Variants in MYH3 observed in about 807,000 individuals in gnomAD.
The protein encoded by MYH3 is myosin heavy chain 3.
Under a neutral mutation model 238.0 loss-of-function variants are expected in MYH3, and 130 were observed. The observed-to-expected ratio is 0.55, with a 90% confidence interval of 0.47 to 0.63. The LOEUF (loss-of-function observed/expected upper bound fraction) is 0.63, where lower values mean the gene tolerates loss of function less well. MYH3 is among the 30% of genes least tolerant of loss of function. MYH3 has a pLI of 0.00. For synonymous variants in MYH3, 880 were observed against 924.1 expected, an observed-to-expected ratio of 0.95 and a Z score of 0.86; for missense variants, 1,853 against 2,374.9, an observed-to-expected ratio of 0.78 and a Z score of 4.57.
the MYH3 span, among the ~76,000 whole-genome samples, chr17:10,664,605 G>A: frequency 6.6e-6 from 1 of 152,122 alleles, no homozygotes; most frequent in African/African-American, 2.4e-5. Context: ...ATGAGTTGAC[G>A]GGGAAACCTA....
At chr17:10,651,182 C>T (rs1282535999) in intron 5 of MYH3, among the ~76,000 whole-genome samples, 1 of 58,538 alleles carries the variant, frequency 1.7e-5, no homozygotes, top group African/African-American at 5.3e-5. Flanking sequence ...AAGACTCCAT[C>T]TCAAAAAAAA....
the MYH3 span, among the ~76,000 whole-genome samples, chr17:10,663,929 G>T: frequency 1.3e-5 from 2 of 151,872 alleles, no homozygotes; most frequent in Non-Finnish European, 2.9e-5. Flanking sequence ...TGGATGTGGT[G>T]GCGTGCACCT....
intron 40 of MYH3, 43 bp from the exon 41 acceptor site, chr17:10,628,722 G>C (rs1054904458): frequency 5.6e-6 from 9 of 1,609,206 alleles, no homozygotes; most frequent in Non-Finnish European, 6.8e-6. Context: ...GGGTGGCAGA[G>C]ACACATTCCC....
rs1230927954 is a variant in MYH3 at position 10,630,122 on chromosome 17, A to G, written c.5532T>C (p.Tyr1844=). 4 of 1,614,012 alleles carry G rather than the reference A, an allele frequency of 2.5e-6. No homozygotes were observed. The African/African-American group carries it at 5.3e-5, about 22-fold the overall frequency. Residue 1844 remains tyrosine, a synonymous_variant, in exon 38 of 41, where the codon TAT becomes TAC. Transcript: ENST00000583535. ...NTESVKGLRK[Y]ERRVKELTYQ... Reference sequence around the variant, plus strand: ...ACGTCAGCTCCTTGACCCTCCGCTCATACTTCCTCAGGCCCTTAACAGACT... The same window carrying G: ...ACGTCAGCTCCTTGACCCTCCGCTCGTACTTCCTCAGGCCCTTAACAGACT...
intron 14 of MYH3, among the ~76,000 whole-genome samples, chr17:10,643,852 C>T (rs904209783): frequency 2.0e-5 from 3 of 152,074 alleles, no homozygotes; most frequent in Non-Finnish European, 4.4e-5. Flanking sequence ...TAGACATCTT[C>T]TCCTCTTTTA....
chr17:10,652,665 A>G (rs1305507426), intron 3 of MYH3, 102 bp from the exon 4 acceptor site: 1 of 1,300,186 alleles, frequency 7.7e-7, no homozygotes, highest in Non-Finnish European at 1.0e-6. Context: ...TTTGTCGCCC[A>G]GGCTGGAGTG....
Position 10,642,375 on chromosome 17 carries a change from C to G in MYH3, c.1888+42G>C. 6.2e-7 allele frequency: 1 copy of G among 1,614,032 alleles called. No homozygotes were observed. The highest frequency in any genetic ancestry group is 8.5e-7 in the Non-Finnish European group (1 of 1,179,906). On this transcript the variant is annotated intron_variant, in intron 16 of 40. Coordinates refer to ENST00000583535, the MANE Select transcript of MYH3 (RefSeq NM_002470.4). The surrounding 1 kb of genome is among the most constrained non-coding windows in gnomAD (Gnocchi z 5.4). ...TAAAAGGTTTTTTGTTACTGTGGAA[C>G]AAATGGAGGGAAATCACATGGACAC...
intron 6 of MYH3, 147 bp downstream of exon 6, chr17:10,650,227 C>T: frequency 1.4e-6 from 1 of 719,284 alleles, no homozygotes; most frequent in Non-Finnish European, 2.4e-6. Context: ...CCGCCCATCT[C>T]AGCCTACCAA....
chr17:10,632,870 G>C, intron 33 of MYH3, 86 bp from the exon 34 acceptor site: 5 of 1,335,304 alleles, frequency 3.7e-6, no homozygotes, highest in South Asian at 2.3e-5. Context: ...AACTTCAATG[G>C]AATAGTCCTA....
At chr17:10,647,533 GTTTTGTT>G in intron 8 of MYH3, 107 bp from the exon 9 acceptor site, 1 of 111,984 alleles carries the variant, frequency 8.9e-6, no homozygotes, top group Non-Finnish European at 2.5e-5. Context: ...TAAAATTTTT[GTTTTGTT>G]TTGTTTTGTT....
At chr17:10,647,637 C>T (rs949491447) in intron 8 of MYH3, among the ~76,000 whole-genome samples, 5 of 152,274 alleles carry the variant, frequency 3.3e-5, no homozygotes, top group African/African-American at 4.8e-5. Flanking sequence ...CTCTGCCTCC[C>T]GGGTTCAAGT....
At chr17:10,671,351 G>A in the MYH3 span, among the ~76,000 whole-genome samples, 1 of 152,132 alleles carries the variant, frequency 6.6e-6, no homozygotes, top group Non-Finnish European at 1.5e-5. Context: ...CTGGCTTGCT[G>A]TATATCAACA....
the MYH3 span, among the ~76,000 whole-genome samples, chr17:10,663,345 A>T: frequency 4.7e-4 from 72 of 152,284 alleles, no homozygotes; most frequent in African/African-American, 1.6e-3. Flanking sequence ...TGTTCGAATG[A>T]GGGAGAAAGA....
At position 10,634,618 on chromosome 17, in the gene MYH3, G is replaced by C. The variant is rs371187795; in HGVS notation, c.4356+222C>G. 1.7e-4 allele frequency among the ~76,000 whole-genome samples: 26 copies of C among 152,278 alleles called. 1 individual carries two copies. The East Asian group carries it at 2.9e-3, about 17-fold the overall frequency. On this transcript the variant is annotated intron_variant, in intron 31 of 40. Transcript: ENST00000583535. The stretch of plus-strand genomic sequence containing the variant: ...GACTGCACGGACATTGTAGAAATTG[G>C]TTTGTTTCCACGGACAACATTTGAA...
chr17:10,648,050 G>T (rs916914334), intron 8 of MYH3, among the ~76,000 whole-genome samples: 5 of 152,150 alleles, frequency 3.3e-5, no homozygotes, highest in Non-Finnish European at 5.9e-5. Flanking sequence ...TCCCTCAGTA[G>T]CTTCCTGTTA....
Position 10,640,158 on chromosome 17 carries a change from G to T in MYH3, c.2520C>A (p.Leu840=). 2 of 1,614,166 alleles carry T rather than the reference G, an allele frequency of 1.2e-6. No homozygotes were observed. Among genetic ancestry groups the T allele is most frequent in the Non-Finnish European group, 1.7e-6 (2 of 1,180,042 alleles). Residue 840 remains leucine, a synonymous_variant, in exon 22 of 41, where the codon CTC becomes CTA. Transcript: ENST00000583535. ...WMKLFFKIKP[L]LKSAETEKEM... ...CTTTCTCAGTCTCTGCACTCTTGAGGAGGGGCTTGATCTTGAAGAAGAGTT... is the reference window on the plus strand; with the variant it reads ...CTTTCTCAGTCTCTGCACTCTTGAGTAGGGGCTTGATCTTGAAGAAGAGTT...
At position 10,629,829 on chromosome 17, in the gene MYH3, C is replaced by T; in HGVS notation, c.5658+13G>A. The T allele has an allele frequency of 6.2e-7, 1 of 1,614,030 alleles. No individual in the cohort carries two copies. The highest frequency in any genetic ancestry group is 8.5e-7 in the Non-Finnish European group (1 of 1,180,016). On this transcript the variant is annotated intron_variant, in intron 39 of 40. Coordinates refer to ENST00000583535, the MANE Select transcript of MYH3 (RefSeq NM_002470.4). ...ACGGTCTGCCTGCCGCAGTCAGCAC[C>T]TATCTCACTTACAGCCTCCTCCGCC...
chr17:10,664,677 G>A, the MYH3 span, among the ~76,000 whole-genome samples: 1 of 152,154 alleles, frequency 6.6e-6, no homozygotes, highest in Non-Finnish European at 1.5e-5. Flanking sequence ...CACTCAGCTG[G>A]CAAAAAGGAG....
chr17:10,634,475 A>G (rs1477131375), intron 31 of MYH3, among the ~76,000 whole-genome samples: 1 of 152,340 alleles, frequency 6.6e-6, no homozygotes, highest in African/African-American at 2.4e-5. Context: ...TAAATATTTC[A>G]TTAAAGCATT....
Sources: allele counts gnomAD v4.1 joint callset (sites outside exome capture counted in the v4.1 genomes callset), GRCh38; gene constraint gnomAD v4.1.1; non-coding constraint Gnocchi (gnomAD v3.1); transcripts MANE v1.5; gene names NCBI Gene and HGNC (gene_info 2026-07-23, HGNC 2026-07-21).